RITA1: variants seen among roughly 807,000 people sequenced by gnomAD.
The protein encoded by RITA1 is RBPJ interacting and tubulin associated 1.
In RITA1, 15 loss-of-function variants were observed where a neutral mutation model predicts 8.7. The observed-to-expected ratio is 1.72, with a 90% confidence interval of 1.15 to 2.65. The LOEUF is 2.65. Among genes scored for constraint, RITA1 ranks in the 30% most tolerant of loss-of-function variants. The pLI is 0.00. For missense variants in RITA1, 330 were observed against 363.8 expected (o/e 0.91, Z 0.76); for synonymous variants, 145 against 156.2 (o/e 0.93, Z 0.53).
chr12:113,187,618 TGTG>T (rs974555412), intron 3 of RITA1, among the ~76,000 whole-genome samples: 1 of 151,502 alleles, frequency 6.6e-6, no homozygotes, highest in African/African-American at 2.4e-5. Flanking sequence ...ATTAGCCAAG[TGTG>T]GTGGTGTGCG....
Position 113,186,993 on chromosome 12 carries a change from AC to A in RITA1, c.252del (p.Ser85GlnfsTer110). On this transcript the variant is annotated frameshift_variant, in exon 3 of 4. Coordinates refer to ENST00000548278, the MANE Select transcript of RITA1 (RefSeq NM_032848.3). LOFTEE classifies it high-confidence loss of function. The part of the protein sequence containing the change: ...ALGAKGSCET[T>X]PSRGSTPTLT... ...GGGGGCAAAGGGGAGCTGTGAGACC[AC>A]CCCCTCAAGGGGCAGCACCCCCACC... 6.2e-7 allele frequency: 1 copy of A among 1,611,432 alleles called. No individual in the cohort carries two copies. Among genetic ancestry groups the A allele is most frequent in the Non-Finnish European group, 8.5e-7 (1 of 1,178,822 alleles).
rs922026828 is a variant in RITA1 at position 113,191,204 on chromosome 12, G to A, written c.303-106G>A. The A allele has an allele frequency of 1.1e-5, 16 of 1,412,360 alleles. No homozygotes were observed. The African/African-American group carries it at 2.3e-4, about 20-fold the overall frequency. The allele number at this position is 1,412,360 out of a possible 1,614,324, so 87.5% of individuals were successfully genotyped here. On this transcript the variant is annotated intron_variant, in intron 3 of 3. Transcript: ENST00000548278. This position sits in a 1 kb window ranked among gnomAD's most constrained non-coding sequence, Gnocchi z 4.0. ...GAGACAAGGACTCCTGGGATCTGCA[G>A]GCAACCCTCCTCTGCTGCTGCCATC...
Position 113,186,290 on chromosome 12 carries a change from C to T in RITA1, c.-91C>T, listed in dbSNP as rs1952535417. The stretch of plus-strand genomic sequence containing the variant: ...GTGCTGTTGAGAGGATTAAATGAAA[C>T]AATGCTTGTAAAGCTCTTTGCAGGA... On this transcript the variant is annotated 5_prime_UTR_variant, in exon 2 of 4. It introduces an in-frame stop codon into an upstream open reading frame of the 5' UTR. Coordinates refer to ENST00000548278, the MANE Select transcript of RITA1 (RefSeq NM_032848.3). The T allele has an allele frequency of 7.2e-7, 1 of 1,394,420 alleles. No individual in the cohort carries two copies. The highest frequency in any genetic ancestry group is 2.7e-5 in the East Asian group (1 of 37,120). The allele number at this position is 1,394,420 out of a possible 1,614,324, so 86.4% of individuals were successfully genotyped here.
Position 113,186,170 on chromosome 12 carries a change from C to G in RITA1, c.-196-15C>G, listed in dbSNP as rs1952534453. ...ACACAAGCTCTGGACTCAGATTTCACTTCCACCGTTTTAGCTTTATAGGTG... is the reference window on the plus strand; with the variant it reads ...ACACAAGCTCTGGACTCAGATTTCAGTTCCACCGTTTTAGCTTTATAGGTG... On this transcript the variant is annotated splice_polypyrimidine_tract_variant and intron_variant, in intron 1 of 3. Coordinates refer to ENST00000548278, the MANE Select transcript of RITA1 (RefSeq NM_032848.3). 1 of 1,392,296 alleles carries G rather than the reference C, an allele frequency of 7.2e-7. No homozygotes were observed. Among genetic ancestry groups the G allele is most frequent in the East Asian group, 2.5e-5 (1 of 39,600 alleles). 86.2% of individuals were successfully genotyped at this position (1,392,296 alleles called of 1,614,324 possible).
At position 113,186,206 on chromosome 12, in the gene RITA1, A is replaced by G. The variant is rs914163519; in HGVS notation, c.-175A>G. 4.5e-6 allele frequency: 6 copies of G among 1,333,972 alleles called. No individual in the cohort carries two copies. Among genetic ancestry groups the G allele is most frequent in the Admixed American group, 2.5e-5 (1 of 40,404 alleles). 82.6% of individuals were successfully genotyped at this position (1,333,972 alleles called of 1,614,324 possible). A position where few individuals can be genotyped will look rare whatever the true frequency, so the allele number is the denominator to read the frequency against. ...TTAGCTTTATAGGTGTGACCTACAC[A>G]TGTGACTTCACCTCAGTTTTGTGAT... On this transcript the variant is annotated 5_prime_UTR_variant, in exon 2 of 4. It removes an upstream start codon present in the reference 5' UTR. Coordinates refer to ENST00000548278, the MANE Select transcript of RITA1 (RefSeq NM_032848.3).
Position 113,191,938 on chromosome 12 carries a change from A to C in RITA1, c.*121A>C. On this transcript the variant is annotated 3_prime_UTR_variant, in exon 4 of 4. Coordinates refer to ENST00000548278, the MANE Select transcript of RITA1 (RefSeq NM_032848.3). The surrounding 1 kb of genome is among the most constrained non-coding windows in gnomAD (Gnocchi z 4.0). ...TAAAGAAGCCCCTGTGGGGGCAGACAGACATAGCAGGGGTGGGCAGTGCCT... is the reference window on the plus strand; with the variant it reads ...TAAAGAAGCCCCTGTGGGGGCAGACCGACATAGCAGGGGTGGGCAGTGCCT... 1 of 1,276,994 alleles carries C rather than the reference A, an allele frequency of 7.8e-7. No homozygotes were observed. The highest frequency in any genetic ancestry group is 1.1e-6 in the Non-Finnish European group (1 of 932,028). 79.1% of individuals were successfully genotyped at this position (1,276,994 alleles called of 1,614,324 possible).
rs914108966 is a variant in RITA1, at chr12:113,185,950, C to T, written c.-268C>T. 2.0e-6 allele frequency: 3 copies of T among 1,534,342 alleles called. No homozygotes were observed. The African/African-American group carries it at 4.1e-5, about 21-fold the overall frequency. On this transcript the variant is annotated 5_prime_UTR_variant, in exon 1 of 4. Coordinates refer to ENST00000548278, the MANE Select transcript of RITA1 (RefSeq NM_032848.3). Reference sequence around the variant, plus strand: ...CGCCCCCGCGCCCTCACCGACGGGTCCAGACCTGGTGGGAAGAAGGTGCGG... The same window carrying T: ...CGCCCCCGCGCCCTCACCGACGGGTTCAGACCTGGTGGGAAGAAGGTGCGG...
At position 113,186,753 on chromosome 12, in the gene RITA1, A is replaced by T. The variant is rs372995033; in HGVS notation, c.7A>T (p.Thr3Ser). The T allele has an allele frequency of 1.4e-5, 23 of 1,611,634 alleles. No homozygotes were observed. Among genetic ancestry groups the T allele is most frequent in the Admixed American group, 1.3e-4 (8 of 59,924 alleles). The change falls in exon 3 of 4, where the codon ACC (threonine) becomes TCC (serine). Residue 3 changes from threonine (T) to serine (S), a missense_variant. Transcript: ENST00000548278. Reference protein sequence around the residue: MKTPVELAVSGMQ... With the variant: MKSPVELAVSGMQ... ...ACCAGGGACCACAGGCAGCATGAAG[A>T]CCCCCGTGGAGCTGGCCGTCAGTGG...
rs1952528823 is a variant in RITA1 at position 113,185,805 on chromosome 12, G to A, written c.-413G>A. 8 of 648,778 alleles carry A rather than the reference G, an allele frequency of 1.2e-5. No homozygotes were observed. The highest frequency in any genetic ancestry group is 1.9e-5 in the South Asian group (1 of 51,414). 40.2% of individuals were successfully genotyped at this position (648,778 alleles called of 1,614,324 possible). On this transcript the variant is annotated 5_prime_UTR_variant, in exon 1 of 4. The change creates a new upstream start codon in the 5' untranslated region. Coordinates refer to ENST00000548278, the MANE Select transcript of RITA1 (RefSeq NM_032848.3). Reference sequence around the variant, plus strand: ...TTCGCGGGCCGTTCACACGTAGCCTGTGCCGGCTCCTCGGGTGAGTCCGTC... The same window carrying A: ...TTCGCGGGCCGTTCACACGTAGCCTATGCCGGCTCCTCGGGTGAGTCCGTC...
At position 113,191,309 on chromosome 12, in the gene RITA1, G is replaced by C; in HGVS notation, c.303-1G>C. On this transcript the variant is annotated splice_acceptor_variant, in intron 3 of 3. Coordinates refer to ENST00000548278, the MANE Select transcript of RITA1 (RefSeq NM_032848.3). LOFTEE classifies it high-confidence loss of function. This position sits in a 1 kb window ranked among gnomAD's most constrained non-coding sequence, Gnocchi z 4.0. The stretch of plus-strand genomic sequence containing the variant: ...CATGGCGTTTATCTTCCATTTGCCA[G>C]ACCCATCAGCCACACCCCGTCTTAC... 1 of 1,513,290 alleles carries C rather than the reference G, an allele frequency of 6.6e-7. No individual in the cohort carries two copies. The highest frequency in any genetic ancestry group is 1.3e-5 in the South Asian group (1 of 76,086). 93.7% of individuals were successfully genotyped at this position (1,513,290 alleles called of 1,614,324 possible). A position where few individuals can be genotyped will look rare whatever the true frequency, so the allele number is the denominator to read the frequency against.
At chr12:113,187,649 C>T (rs567986337) in intron 3 of RITA1, among the ~76,000 whole-genome samples, 2 of 147,982 alleles carry the variant, frequency 1.4e-5, no homozygotes, top group East Asian at 2.0e-4. Flanking sequence ...TCCCAGCTCC[C>T]GGGAGGCTGA....
chr12:113,186,371 A>T, intron 2 of RITA1, 55 bp downstream of exon 2: 2 of 1,371,584 alleles, frequency 1.5e-6, no homozygotes, highest in Non-Finnish European at 1.9e-6. Flanking sequence ...CAGTACACAT[A>T]GGAAAGTGCC....
Position 113,186,917 on chromosome 12 carries a change from G to T in RITA1, c.171G>T (p.Val57=). The change falls in exon 3 of 4, where the codon GTG becomes GTT. Residue 57 remains valine, a synonymous_variant. Coordinates refer to ENST00000548278, the MANE Select transcript of RITA1 (RefSeq NM_032848.3). ...PTPPDFDPPW[V]EKANRTRGVG... The stretch of plus-strand genomic sequence containing the variant: ...CACCGGACTTCGATCCGCCCTGGGT[G>T]GAGAAGGCTAACAGAACCAGAGGCG... 6.2e-7 allele frequency: 1 copy of T among 1,614,144 alleles called. No homozygotes were observed. The highest frequency in any genetic ancestry group is 8.5e-7 in the Non-Finnish European group (1 of 1,180,028).
intron 3 of RITA1, among the ~76,000 whole-genome samples, chr12:113,187,605 A>G (rs965015030): frequency 6.6e-6 from 1 of 151,836 alleles, no homozygotes; most frequent in Non-Finnish European, 1.5e-5. Flanking sequence ...AAAAAATGCA[A>G]AAATTAGCCA....
intron 3 of RITA1, among the ~76,000 whole-genome samples, chr12:113,190,847 C>T (rs1419147916): frequency 2.0e-5 from 3 of 152,194 alleles, no homozygotes; most frequent in African/African-American, 7.2e-5. Flanking sequence ...CTTCAATCTT[C>T]AGTAGGAAGG....
intron 3 of RITA1, 127 bp downstream of exon 3, chr12:113,187,175 T>G (rs1952548815): frequency 9.9e-7 from 1 of 1,015,098 alleles, no homozygotes; most frequent in Non-Finnish European, 1.4e-6. Context: ...AGTTTACTCA[T>G]GTGGAAAATA....
chr12:113,191,327 C>T lies in RITA1; in HGVS notation c.320C>T (p.Pro107Leu), dbSNP rs374968046. The T allele has an allele frequency of 1.2e-5, 19 of 1,531,800 alleles. No homozygotes were observed. Among genetic ancestry groups the T allele is most frequent in the Admixed American group, 6.1e-5 (3 of 49,096 alleles). 94.9% of individuals were successfully genotyped at this position (1,531,800 alleles called of 1,614,324 possible). The change falls in exon 4 of 4, where the codon CCG (proline) becomes CTG (leucine). Residue 107 changes from proline to leucine, a missense_variant. Transcript: ENST00000548278. This position sits in a 1 kb window ranked among gnomAD's most constrained non-coding sequence, Gnocchi z 4.0. ...TTTGCCAGACCCATCAGCCACACCC[C>T]GTCTTACTGTGATGAGTCGCTGTTT... ...KNKYRPISHT[P>L]SYCDESLFGS...
In RITA1 at chr12:113,191,306, C is replaced by A; in HGVS notation, c.303-4C>A. On this transcript the variant is annotated splice_region_variant and splice_polypyrimidine_tract_variant and intron_variant, in intron 3 of 3. Transcript: ENST00000548278. This position sits in a 1 kb window ranked among gnomAD's most constrained non-coding sequence, Gnocchi z 4.0. The stretch of plus-strand genomic sequence containing the variant: ...GCTCATGGCGTTTATCTTCCATTTG[C>A]CAGACCCATCAGCCACACCCCGTCT... 2 of 1,512,298 alleles carry A rather than the reference C, an allele frequency of 1.3e-6. No individual in the cohort carries two copies. The highest frequency in any genetic ancestry group is 2.6e-5 in the South Asian group (2 of 75,900). The allele number at this position is 1,512,298 out of a possible 1,614,324, so 93.7% of individuals were successfully genotyped here. A position where few individuals can be genotyped will look rare whatever the true frequency, so the allele number is the denominator to read the frequency against.
chr12:113,186,902 C>T lies in RITA1; in HGVS notation c.156C>T (p.Phe52=), dbSNP rs1952544494. The T allele has an allele frequency of 1.9e-6, 3 of 1,614,114 alleles. No individual in the cohort carries two copies. Among genetic ancestry groups the T allele is most frequent in the East Asian group, 2.2e-5 (1 of 44,890 alleles). ...GCACCCGGCCTACCCCACCGGACTTCGATCCGCCCTGGGTGGAGAAGGCTA... is the reference window on the plus strand; with the variant it reads ...GCACCCGGCCTACCCCACCGGACTTTGATCCGCCCTGGGTGGAGAAGGCTA... ...PAGTRPTPPD[F]DPPWVEKANR... Residue 52 remains phenylalanine (F), a synonymous_variant, in exon 3 of 4, where the codon TTC becomes TTT. Coordinates refer to ENST00000548278, the MANE Select transcript of RITA1 (RefSeq NM_032848.3).
Sources: gnomAD v4.1 joint callset for allele counts (sites outside exome capture counted in the v4.1 genomes callset) on GRCh38, gnomAD v4.1.1 for gene constraint, Gnocchi (gnomAD v3.1) non-coding constraint, MANE v1.5 for transcripts, NCBI Gene and HGNC (gene_info 2026-07-23, HGNC 2026-07-21) for gene names.